Variants in PBX1 observed in about 807,000 individuals in gnomAD.
PBX1 encodes the protein PBX homeobox 1, also known as pre-B-cell leukemia transcription factor 1.
In PBX1, 6 loss-of-function variants were observed where a neutral mutation model predicts 53.4. That is an observed-to-expected ratio of 0.11 (90% CI 0.06 to 0.22). The LOEUF is 0.22. PBX1 is among the 10% of genes least tolerant of loss of function. The pLI is 1.00. For missense variants in PBX1, 251 were observed against 551.4 expected (o/e 0.46, Z 5.46); for synonymous variants, 204 against 212.3 (o/e 0.96, Z 0.34).
At chr1:164,612,188 T>G (rs1308519286) in intron 2 of PBX1, among the ~76,000 whole-genome samples, 2 of 152,092 alleles carry the variant, frequency 1.3e-5, no homozygotes, top group African/African-American at 4.8e-5. Flanking sequence ...ATAAAGCTTT[T>G]TCTGCTTGGA....
At chr1:164,746,398 A>G (rs565128649) in intron 2 of PBX1, among the ~76,000 whole-genome samples, 1 of 152,158 alleles carries the variant, frequency 6.6e-6, no homozygotes, top group South Asian at 2.1e-4. Context: ...CTTCTTCAAG[A>G]TGGAGTCTTG....
chr1:164,714,276 ATGATC>A (rs924229296), intron 2 of PBX1, among the ~76,000 whole-genome samples: 1 of 152,262 alleles, frequency 6.6e-6, no homozygotes, highest in Non-Finnish European at 1.5e-5. Flanking sequence ...TCTTACATGT[ATGATC>A]TAGTTCAAGC....
chr1:164,613,606 G>T (rs879863327), intron 2 of PBX1, among the ~76,000 whole-genome samples: 2 of 152,160 alleles, frequency 1.3e-5, no homozygotes, highest in Admixed American at 1.3e-4. Context: ...ATATGTGCAC[G>T]TGGGGGCCCA....
At chr1:164,735,405 A>T (rs1372894135) in intron 2 of PBX1, among the ~76,000 whole-genome samples, 1 of 152,188 alleles carries the variant, frequency 6.6e-6, no homozygotes, top group Non-Finnish European at 1.5e-5. Flanking sequence ...TGAGTACAGA[A>T]TCAGGGAGTT....
chr1:164,587,722 G>A (rs997192492), intron 2 of PBX1, among the ~76,000 whole-genome samples: 1 of 152,120 alleles, frequency 6.6e-6, no homozygotes, highest in Non-Finnish European at 1.5e-5. Context: ...TCTTCACATC[G>A]TTTTGTGCGG....
chr1:164,634,227 G>C (rs1310616405), intron 2 of PBX1, among the ~76,000 whole-genome samples: 2 of 152,198 alleles, frequency 1.3e-5, no homozygotes, highest in African/African-American at 4.8e-5. Flanking sequence ...GTTTCTGTGA[G>C]GTTTGGCCAG....
At chr1:164,870,056 C>T (rs1672311066) in intron 2 of PBX1, among the ~76,000 whole-genome samples, 1 of 152,164 alleles carries the variant, frequency 6.6e-6, no homozygotes, top group South Asian at 2.1e-4. Context: ...CTGAGGAAAG[C>T]TCAGGAGGGT....
chr1:164,807,737 G>T, intron 5 of PBX1, 60 bp downstream of exon 5: 2 of 1,571,898 alleles, frequency 1.3e-6, no homozygotes, highest in Non-Finnish European at 1.7e-6. Context: ...CTCCGGGGCA[G>T]GCTCTTAGAG....
intron 4 of PBX1, among the ~76,000 whole-genome samples, chr1:164,803,147 T>G (rs1322913548): frequency 6.6e-6 from 1 of 152,172 alleles, no homozygotes; most frequent in East Asian, 1.9e-4. Flanking sequence ...CTAACTGAGC[T>G]CTTACTATCT....
chr1:164,661,075 A>T (rs372228990), intron 2 of PBX1, among the ~76,000 whole-genome samples: 1 of 152,230 alleles, frequency 6.6e-6, no homozygotes, highest in East Asian at 1.9e-4. Context: ...CACCTTATTT[A>T]AGTAAACACA....
At chr1:164,707,613 G>A (rs1405311875) in intron 2 of PBX1, among the ~76,000 whole-genome samples, 2 of 152,070 alleles carry the variant, frequency 1.3e-5, no homozygotes, top group Admixed American at 1.3e-4. Context: ...AGCTTGTCTC[G>A]GGAATGCAGC....
intron 2 of PBX1, among the ~76,000 whole-genome samples, chr1:164,863,680 G>T (rs1439709312): frequency 1.3e-5 from 2 of 152,156 alleles, no homozygotes; most frequent in Non-Finnish European, 2.9e-5. Flanking sequence ...GTTAAATATG[G>T]ACAGAAAGAG....
At chr1:164,697,092 A>C (rs1662839381) in intron 2 of PBX1, among the ~76,000 whole-genome samples, 2 of 152,176 alleles carry the variant, frequency 1.3e-5, no homozygotes. Flanking sequence ...AATAATAGCT[A>C]ATATTAATTT....
intron 8 of PBX1, among the ~76,000 whole-genome samples, chr1:164,835,334 A>C (rs991273403): frequency 6.6e-6 from 1 of 151,768 alleles, no homozygotes; most frequent in African/African-American, 2.4e-5. Flanking sequence ...TCCTTGGATA[A>C]ATTTCTAAAA....
intron 2 of PBX1, among the ~76,000 whole-genome samples, chr1:164,751,314 CAAAA>C (rs527755578): frequency 2.5e-5 from 2 of 78,918 alleles, no homozygotes; most frequent in African/African-American, 7.8e-5. Context: ...GACTCTGTCT[CAAAA>C]AAAAAAAAAA....
intron 8 of PBX1, among the ~76,000 whole-genome samples, chr1:164,839,691 C>G (rs78439104): frequency 6.6e-6 from 1 of 152,296 alleles, no homozygotes; most frequent in African/African-American, 2.4e-5. Context: ...ATTATTATTT[C>G]TTTGCAGCAG....
intron 2 of PBX1, among the ~76,000 whole-genome samples, chr1:164,569,275 T>A (rs761131686): frequency 5.3e-4 from 80 of 152,206 alleles, no homozygotes; most frequent in Non-Finnish European, 8.8e-5. Flanking sequence ...TTAAAAAACC[T>A]CTCTGTGCCT....
At chr1:164,681,399 A>G (rs1040521986) in intron 2 of PBX1, among the ~76,000 whole-genome samples, 1 of 152,194 alleles carries the variant, frequency 6.6e-6, no homozygotes, top group Non-Finnish European at 1.5e-5. Context: ...AATGAACACT[A>G]GAAAGTAAAT....
chr1:164,589,985 A>G (rs564514508), intron 2 of PBX1, among the ~76,000 whole-genome samples: 11 of 152,274 alleles, frequency 7.2e-5, no homozygotes, highest in African/African-American at 2.4e-4. Context: ...GAGGTGAGAC[A>G]TGGCTTGAGC....
Sources: allele counts gnomAD v4.1 joint callset (sites outside exome capture counted in the v4.1 genomes callset), GRCh38; gene constraint gnomAD v4.1.1; transcripts MANE v1.5; gene names NCBI Gene and HGNC (gene_info 2026-07-23, HGNC 2026-07-21).